CC2D2A: variants seen among roughly 807,000 people sequenced by gnomAD.
CC2D2A encodes coiled-coil and C2 domain containing 2A.
A neutral mutation model predicts 212.9 loss-of-function variants in CC2D2A; 155 were observed. The ratio of observed to expected loss-of-function variants is 0.73; its 90% CI spans 0.64 to 0.83. The LOEUF (loss-of-function observed/expected upper bound fraction) is 0.83. Among genes scored for constraint, CC2D2A ranks in the 40% least tolerant of loss-of-function variants. The probability of loss-of-function intolerance (pLI) is 0.00; values close to 1 mark genes in which losing one functional copy is unlikely to be tolerated. For missense variants in CC2D2A, 1,856 were observed against 1,956.2 expected, an observed-to-expected ratio of 0.95 and a Z score of 0.97; for synonymous variants, 667 against 686.5, an observed-to-expected ratio of 0.97 and a Z score of 0.44.
At position 15,527,514 on chromosome 4, in the gene CC2D2A, T is replaced by A. The variant is rs1487791181; in HGVS notation, c.1217T>A (p.Leu406Gln). The A allele has an allele frequency of 5.0e-6, 8 of 1,613,614 alleles. No individual in the cohort carries two copies. The highest frequency in any genetic ancestry group is 6.8e-6 in the Non-Finnish European group (8 of 1,179,722). ...RSGDPPGNFQ[L>Q]DIDISGLIFT... ...GGAGACCCTCCTGGAAATTTCCAAC[T>A]GGACATTGATATTTCAGGGTTAATC... The change falls in exon 12 of 37, where the codon CTG becomes CAG. Residue 406 changes from leucine to glutamine, a missense_variant. By Grantham distance (113) the Leu-to-Gln change is moderately radical. This residue lies in a region of CC2D2A where 1,512 missense variants were observed against 1,579.3 expected (regional missense o/e 0.96). Transcript: ENST00000424120.
chr4:15,473,328 G>A (rs1713961093), intron 1 of CC2D2A: 1 of 152,118 alleles, frequency 6.6e-6, no homozygotes, highest in African/African-American at 2.4e-5. Flanking sequence ...ATTCCAGGAG[G>A]GTGTTGGGAG....
chr4:15,597,654 G>A (rs889792038), intron 35 of CC2D2A, among the ~76,000 whole-genome samples, 189 bp downstream of exon 35: 1 of 152,194 alleles, frequency 6.6e-6, no homozygotes, highest in Non-Finnish European at 1.5e-5. Flanking sequence ...GCATCAGCAT[G>A]CTGTGGAACC....
At chr4:15,499,484 G>T (rs1715801341) in intron 4 of CC2D2A, among the ~76,000 whole-genome samples, 1 of 152,140 alleles carries the variant, frequency 6.6e-6, no homozygotes, top group South Asian at 2.1e-4. Flanking sequence ...TCTGGCAAGA[G>T]CTACTTTTTA....
At chr4:15,480,873 T>G (rs751419882) in intron 4 of CC2D2A, 46 bp downstream of exon 4, 2 of 1,595,508 alleles carry the variant, frequency 1.3e-6, no homozygotes, top group Non-Finnish European at 1.7e-6. Context: ...AACTGCCTAC[T>G]GTGAGCTCAG....
In CC2D2A at chr4:15,557,004, T is replaced by C. The variant is rs568379400; in HGVS notation, c.2626-300T>C. Among the ~76,000 whole-genome samples, 29 of 152,358 alleles carry C rather than the reference T, an allele frequency of 1.9e-4. No individual in the cohort carries two copies. The South Asian group carries it at 3.9e-3, about 21-fold the overall frequency. ...CTAGTAGGCACCTCGTAATACACTG[T>C]AGTCTGGCACAAATCTCTCCTTTTT... On this transcript the variant is annotated intron_variant, in intron 20 of 36. Coordinates refer to ENST00000424120, the MANE Select transcript of CC2D2A (RefSeq NM_001378615.1).
intron 16 of CC2D2A, among the ~76,000 whole-genome samples, chr4:15,540,274 A>G (rs909367313): frequency 6.6e-6 from 1 of 151,702 alleles, no homozygotes; most frequent in Non-Finnish European, 1.5e-5. Flanking sequence ...AAAATTAAAG[A>G]CCAATGGGAG....
At chr4:15,475,719 A>T (rs1714167023) in intron 1 of CC2D2A, among the ~76,000 whole-genome samples, 196 bp from the exon 2 acceptor site, 1 of 152,142 alleles carries the variant, frequency 6.6e-6, no homozygotes, top group South Asian at 2.1e-4. Context: ...AGGGACAGGG[A>T]GACCTGGCAT....
intron 3 of CC2D2A, among the ~76,000 whole-genome samples, chr4:15,480,220 C>T (rs1714536639): frequency 6.6e-6 from 1 of 152,232 alleles, no homozygotes; most frequent in African/African-American, 2.4e-5. Context: ...TTTAGTCTAT[C>T]TGTCCTCAAA....
chr4:15,529,685 TTATTC>T (rs1717714162), intron 13 of CC2D2A, among the ~76,000 whole-genome samples: 1 of 151,394 alleles, frequency 6.6e-6, no homozygotes, highest in Non-Finnish European at 1.5e-5. Context: ...ATTTGCATTT[TTATTC>T]TATTTTTTAT....
At chr4:15,477,011 T>C (rs959997415) in intron 2 of CC2D2A, among the ~76,000 whole-genome samples, 1 of 152,170 alleles carries the variant, frequency 6.6e-6, no homozygotes, top group Non-Finnish European at 1.5e-5. Context: ...AGATTAACTT[T>C]AAGCAAGATG....
At chr4:15,585,367 A>C (rs1248953556) in intron 30 of CC2D2A, among the ~76,000 whole-genome samples, 1 of 152,232 alleles carries the variant, frequency 6.6e-6, no homozygotes, top group African/African-American at 2.4e-5. Context: ...GCTGGTGGGC[A>C]TGTTAAGTGA....
chr4:15,502,214 G>A (rs1012429718), intron 4 of CC2D2A, among the ~76,000 whole-genome samples: 1 of 152,176 alleles, frequency 6.6e-6, no homozygotes, highest in African/African-American at 2.4e-5. Context: ...GAAAAGCCAA[G>A]ACATGTACTT....
chr4:15,510,356 G>A, intron 7 of CC2D2A, 116 bp downstream of exon 7: 1 of 837,170 alleles, frequency 1.2e-6, no homozygotes, highest in Non-Finnish European at 1.9e-6. Flanking sequence ...AGCGCTTTGG[G>A]AGGCCAAGAC....
chr4:15,535,281 C>T (rs1294169699), intron 14 of CC2D2A, among the ~76,000 whole-genome samples: 1 of 152,086 alleles, frequency 6.6e-6, no homozygotes, highest in Non-Finnish European at 1.5e-5. Flanking sequence ...CTCTCTCCCT[C>T]CCTCCCATCA....
chr4:15,515,322 T>A (rs1231685892), intron 9 of CC2D2A, among the ~76,000 whole-genome samples: 2 of 152,178 alleles, frequency 1.3e-5, no homozygotes, highest in Non-Finnish European at 2.9e-5. Flanking sequence ...ATTCCCAGAG[T>A]CTCATCTGTG....
At position 15,580,160 on chromosome 4, in the gene CC2D2A, C is replaced by T. The variant is rs1250733132; in HGVS notation, c.3964C>T (p.Gln1322Ter). 6.2e-7 allele frequency: 1 copy of T among 1,612,294 alleles called. No homozygotes were observed. Among genetic ancestry groups the T allele is most frequent in the East Asian group, 2.2e-5 (1 of 44,848 alleles). Reference protein sequence around the residue: ...ELLNVYPNNLQATAELVARYV... With the variant: ...ELLNVYPNNL The stretch of plus-strand genomic sequence containing the variant: ...CCTTAATGTCTACCCCAATAATCTA[C>T]AGGCAACTGCAGTAAGTATTTCATA... Residue 1322 changes from glutamine (Q) to a stop codon, truncating the protein, a stop_gained, in exon 30 of 37, where the codon CAG (glutamine) becomes TAG (stop). Coordinates refer to ENST00000424120, the MANE Select transcript of CC2D2A (RefSeq NM_001378615.1). LOFTEE classifies it high-confidence loss of function.
intron 4 of CC2D2A, chr4:15,482,004 T>C: frequency 2.0e-6 from 2 of 985,406 alleles, no homozygotes; most frequent in South Asian, 4.7e-5. Context: ...TACCTGCTCA[T>C]TGTAGGGAAA....
chr4:15,568,042 G>T (rs1299790037), intron 26 of CC2D2A, among the ~76,000 whole-genome samples: 2 of 152,108 alleles, frequency 1.3e-5, no homozygotes, highest in African/African-American at 4.8e-5. Flanking sequence ...CCAGGCTCTG[G>T]CTTCTTAAAG....
At chr4:15,491,523 G>T (rs879688342) in intron 4 of CC2D2A, among the ~76,000 whole-genome samples, 1 of 152,164 alleles carries the variant, frequency 6.6e-6, no homozygotes, top group Non-Finnish European at 1.5e-5. Flanking sequence ...ACTTGCCTCA[G>T]CCTCCTGAGT....
Sources: allele counts gnomAD v4.1 joint callset (sites outside exome capture counted in the v4.1 genomes callset), GRCh38; gene constraint gnomAD v4.1.1; regional missense constraint gnomAD v4.1.1; transcripts MANE v1.5; gene names NCBI Gene and HGNC (gene_info 2026-07-23, HGNC 2026-07-21).